The following HEMK2 variants were observed in gnomAD, a reference collection of about 807,000 sequenced individuals.
HEMK2 encodes methyltransferase HEMK2.
chr21:28,609,212 G>A, the HEMK2 span, among the ~76,000 whole-genome samples: 3 of 152,098 alleles, frequency 2.0e-5, no homozygotes, highest in Non-Finnish European at 4.4e-5. Context: ...CTGAAGATGG[G>A]TCACATCACA....
chr21:28,715,681 T>C, the HEMK2 span, among the ~76,000 whole-genome samples: 1 of 152,234 alleles, frequency 6.6e-6, no homozygotes. Flanking sequence ...TTTGTGGCAA[T>C]TGCTTTTGAA....
the HEMK2 span, among the ~76,000 whole-genome samples, chr21:28,631,797 TA>T: frequency 0.31 from 45,314 of 147,796 alleles, 6,872 homozygotes; most frequent in African/African-American, 0.35. Flanking sequence ...AAGACTTTGT[TA>T]AAAAAAAAAA....
chr21:28,602,734 T>C, the HEMK2 span, among the ~76,000 whole-genome samples: 1 of 152,240 alleles, frequency 6.6e-6, no homozygotes, highest in East Asian at 1.9e-4. Context: ...TAGATAACAG[T>C]TTTAGCATTG....
At chr21:28,798,474 G>C in the HEMK2 span, among the ~76,000 whole-genome samples, 1 of 152,030 alleles carries the variant, frequency 6.6e-6, no homozygotes, top group South Asian at 2.1e-4. Context: ...TTCTGTGCTA[G>C]ACACCATGCT....
At chr21:28,794,290 C>T in the HEMK2 span, among the ~76,000 whole-genome samples, 8 of 152,172 alleles carry the variant, frequency 5.3e-5, no homozygotes, top group Non-Finnish European at 1.2e-4. Context: ...TTTTTCACTA[C>T]AAATACCTTA....
At chr21:28,861,451 T>G in the HEMK2 span, among the ~76,000 whole-genome samples, 657 of 152,330 alleles carry the variant, frequency 4.3e-3, 3 homozygotes, top group African/African-American at 0.015. Flanking sequence ...AAAGACTAAT[T>G]TGAATTACAA....
At chr21:28,819,896 T>C in the HEMK2 span, among the ~76,000 whole-genome samples, 1 of 152,190 alleles carries the variant, frequency 6.6e-6, no homozygotes, top group Non-Finnish European at 1.5e-5. Flanking sequence ...CCAGGTCCTT[T>C]ACTTAGTACT....
the HEMK2 span, among the ~76,000 whole-genome samples, chr21:28,664,338 G>A: frequency 1.3e-5 from 2 of 152,114 alleles, no homozygotes; most frequent in Non-Finnish European, 2.9e-5. Context: ...TACATGCATT[G>A]TATAAATTGT....
At chr21:28,646,891 A>T in the HEMK2 span, among the ~76,000 whole-genome samples, 1 of 152,056 alleles carries the variant, frequency 6.6e-6, no homozygotes, top group Non-Finnish European at 1.5e-5. Context: ...GTCCCAGAAC[A>T]TCCCTTCTGA....
the HEMK2 span, among the ~76,000 whole-genome samples, chr21:28,663,233 T>G: frequency 6.6e-6 from 1 of 152,196 alleles, no homozygotes; most frequent in Non-Finnish European, 1.5e-5. Flanking sequence ...TGTAGTGAAG[T>G]CACAGAAACA....
the HEMK2 span, among the ~76,000 whole-genome samples, chr21:28,631,149 C>G: frequency 6.6e-6 from 1 of 152,118 alleles, no homozygotes; most frequent in African/African-American, 2.4e-5. Context: ...AAAGCTCTCC[C>G]TCTTCCTGGT....
At chr21:28,603,549 A>ATGTGTG in the HEMK2 span, among the ~76,000 whole-genome samples, 10,670 of 135,622 alleles carry the variant, frequency 0.079, 427 homozygotes, top group South Asian at 0.089. Context: ...GAGGATATAT[A>ATGTGTG]TGTGTGTGTG....
At chr21:28,831,475 G>GAAAAGA in the HEMK2 span, among the ~76,000 whole-genome samples, 11 of 33,636 alleles carry the variant, frequency 3.3e-4, no homozygotes, top group African/African-American at 5.1e-4. Context: ...AAGAAAGAAA[G>GAAAAGA]AAAGAAAGAA....
At chr21:28,717,406 T>C in the HEMK2 span, among the ~76,000 whole-genome samples, 1 of 152,082 alleles carries the variant, frequency 6.6e-6, no homozygotes, top group Non-Finnish European at 1.5e-5. Context: ...CTAGTTTGTA[T>C]ACCTAGAAGT....
At chr21:28,776,676 C>T in the HEMK2 span, among the ~76,000 whole-genome samples, 4 of 152,194 alleles carry the variant, frequency 2.6e-5, no homozygotes, top group African/African-American at 9.7e-5. Flanking sequence ...GACAGTGCAG[C>T]CTTCAGTCTG....
the HEMK2 span, among the ~76,000 whole-genome samples, chr21:28,783,174 A>G: frequency 6.6e-6 from 1 of 152,088 alleles, no homozygotes; most frequent in African/African-American, 2.4e-5. Context: ...AACACCTTAT[A>G]CGCATAGCCT....
chr21:28,579,954 T>C, the HEMK2 span, among the ~76,000 whole-genome samples: 8 of 152,308 alleles, frequency 5.3e-5, no homozygotes, highest in East Asian at 1.5e-3. Context: ...TCAATTTGAC[T>C]GACAAAGCAT....
At chr21:28,729,560 T>C in the HEMK2 span, among the ~76,000 whole-genome samples, 1 of 150,590 alleles carries the variant, frequency 6.6e-6, no homozygotes, top group Non-Finnish European at 1.5e-5. Context: ...TTGGCTTCCC[T>C]GGTCCACACT....
the HEMK2 span, among the ~76,000 whole-genome samples, chr21:28,618,368 T>C: frequency 6.6e-6 from 1 of 152,198 alleles, no homozygotes; most frequent in Non-Finnish European, 1.5e-5. Flanking sequence ...TTCTGGCCTA[T>C]TTTCTTGTAA....
Sources: allele counts gnomAD v4.1 joint callset (sites outside exome capture counted in the v4.1 genomes callset), GRCh38; gene constraint gnomAD v4.1.1; transcripts MANE v1.5; gene names NCBI Gene and HGNC (gene_info 2026-07-23, HGNC 2026-07-21).